The following PCNX4 variants were observed in gnomAD, a reference collection of about 807,000 sequenced individuals.
PCNX4 encodes pecanex 4.
In PCNX4, 103 loss-of-function variants were observed where a neutral mutation model predicts 107.2. That is an observed-to-expected ratio of 0.96 (90% CI 0.82 to 1.13). The LOEUF (loss-of-function observed/expected upper bound fraction) is 1.13, where lower values mean the gene tolerates loss of function less well. Among genes scored for constraint, PCNX4 ranks in the 50% most tolerant of loss-of-function variants. The pLI is 0.00. For missense variants in PCNX4, 1,528 were observed against 1,379.4 expected (o/e 1.11, Z -1.71); for synonymous variants, 541 against 481.7 (o/e 1.12, Z -1.61).
chr14:60,131,230 G>A (rs1346350956), intron 10 of PCNX4, among the ~76,000 whole-genome samples: 2 of 152,080 alleles, frequency 1.3e-5, no homozygotes, highest in Non-Finnish European at 2.9e-5. Context: ...AGAGTAATTA[G>A]GCAAGAAAAA....
chr14:60,125,930 TA>T, intron 10 of PCNX4, 107 bp downstream of exon 10: 1 of 730,452 alleles, frequency 1.4e-6, no homozygotes, highest in Non-Finnish European at 2.0e-6. Context: ...ATAGCTGTGA[TA>T]TATTAATTAT....
rs1896013676 is a variant in PCNX4, at chr14:60,124,555, T to C, written c.2384T>C (p.Leu795Ser). The C allele has an allele frequency of 6.2e-7, 1 of 1,613,670 alleles. No individual in the cohort carries two copies. ...TENKGKAPLMLPALNTLPPPK... is the reference protein window; with the variant it reads ...TENKGKAPLMSPALNTLPPPK... ...AATAAAGGGAAAGCACCTCTAATGT[T>C]GCCTGCTTTGAACACTTTGCCACCT... Residue 795 changes from leucine (L) to serine (S), a missense_variant, in exon 9 of 11, where the codon TTG becomes TCG. By Grantham distance (145) the Leu-to-Ser change is moderately radical. Coordinates refer to ENST00000406854, the MANE Select transcript of PCNX4 (RefSeq NM_001330177.2).
intron 1 of PCNX4, among the ~76,000 whole-genome samples, chr14:60,100,032 T>C (rs1895499478): frequency 6.6e-6 from 1 of 151,950 alleles, no homozygotes; most frequent in African/African-American, 2.4e-5. Flanking sequence ...GCTACTGCAC[T>C]CCAGCCTGGG....
chr14:60,132,192 T>C (rs1296376403), intron 10 of PCNX4, among the ~76,000 whole-genome samples: 1 of 152,224 alleles, frequency 6.6e-6, no homozygotes, highest in Non-Finnish European at 1.5e-5. Context: ...ATTCTTTGGC[T>C]ATGGCTGAGT....
chr14:60,132,117 G>A (rs547934973), intron 10 of PCNX4, among the ~76,000 whole-genome samples: 3 of 152,208 alleles, frequency 2.0e-5, no homozygotes, highest in East Asian at 1.9e-4. Flanking sequence ...GTAGAGCCAC[G>A]CTTCCTCTAA....
At chr14:60,133,582 T>C in intron 10 of PCNX4, 3 of 441,686 alleles carry the variant, frequency 6.8e-6, no homozygotes, top group South Asian at 1.7e-5. Context: ...ATGTGAATTA[T>C]ATGGAATGTG....
chr14:60,110,889 G>A (rs906640042), intron 2 of PCNX4: 21 of 167,168 alleles, frequency 1.3e-4, no homozygotes, highest in African/African-American at 4.8e-4. Flanking sequence ...TTATGTTGAA[G>A]CCCTAACCCC....
intron 1 of PCNX4, among the ~76,000 whole-genome samples, chr14:60,103,122 T>C (rs904056826): frequency 1.3e-5 from 2 of 152,246 alleles, no homozygotes; most frequent in Non-Finnish European, 2.9e-5. Context: ...GATAGTTTTT[T>C]CCTTGTGTAC....
intron 1 of PCNX4, among the ~76,000 whole-genome samples, chr14:60,095,274 G>A (rs2140525739): frequency 6.6e-6 from 1 of 152,240 alleles, no homozygotes; most frequent in East Asian, 1.9e-4. Context: ...ACATAAAAGG[G>A]GCAGAGGAAA....
chr14:60,107,244 A>G (rs185079683), intron 1 of PCNX4, among the ~76,000 whole-genome samples: 1 of 152,210 alleles, frequency 6.6e-6, no homozygotes, highest in African/African-American at 2.4e-5. Context: ...AGCCAGGCAT[A>G]GGGGCATGTG....
Position 60,118,606 on chromosome 14 carries a change from G to A in PCNX4, c.1856G>A (p.Cys619Tyr). ...CCAGGAGCAGCAGGCACCACAGCCTGTGTGTGTGCAGATACAGTGTACTAC... is the reference window on the plus strand; with the variant it reads ...CCAGGAGCAGCAGGCACCACAGCCTATGTGTGTGCAGATACAGTGTACTAC... ...SWPGAAGTTA[C>Y]VCADTVYYYQ... Residue 619 changes from cysteine (C) to tyrosine (Y), a missense_variant, in exon 7 of 11, where the codon TGT (cysteine) becomes TAT (tyrosine). By Grantham distance (194) the Cys-to-Tyr change is radical. Coordinates refer to ENST00000406854, the MANE Select transcript of PCNX4 (RefSeq NM_001330177.2). The A allele has an allele frequency of 6.2e-7, 1 of 1,613,782 alleles. No homozygotes were observed. Among genetic ancestry groups the A allele is most frequent in the Non-Finnish European group, 8.5e-7 (1 of 1,179,818 alleles).
In PCNX4 at chr14:60,115,371, C is replaced by T; in HGVS notation, c.1267C>T (p.Pro423Ser). ...TGGAATTTTCCGAAATCCCTTTTAT[C>T]CGAAGGATGTGCAAACTGTGACTGT... Reference protein sequence around the residue: ...IIGIFRNPFYPKDVQTVTVFF... With the variant: ...IIGIFRNPFYSKDVQTVTVFF... The change falls in exon 4 of 11, where the codon CCG becomes TCG. Residue 423 changes from proline to serine, a missense_variant. By Grantham distance (74) the Pro-to-Ser change is moderately conservative (BLOSUM62 -1). Coordinates refer to ENST00000406854, the MANE Select transcript of PCNX4 (RefSeq NM_001330177.2). The T allele has an allele frequency of 1.2e-6, 2 of 1,600,908 alleles. No individual in the cohort carries two copies. The highest frequency in any genetic ancestry group is 1.3e-5 in the African/African-American group (1 of 74,676).
In PCNX4 at chr14:60,108,273, C is replaced by G. The variant is rs1566931915; in HGVS notation, c.635C>G (p.Pro212Arg). 6.2e-7 allele frequency: 1 copy of G among 1,612,426 alleles called. No individual in the cohort carries two copies. Among genetic ancestry groups the G allele is most frequent in the East Asian group, 2.2e-5 (1 of 44,870 alleles). Residue 212 changes from proline to arginine, a missense_variant, in exon 2 of 11, where the codon CCT (proline) becomes CGT (arginine). Pro to Arg is a moderately radical substitution (Grantham distance 103, BLOSUM62 -2). Transcript: ENST00000406854. ...FQTQDTYEII[P>R]LMRPLYIFFF... Reference sequence around the variant, plus strand: ...ACACAGGATACTTATGAAATTATTCCTCTTATGAGACCTCTTTATATTTTT... The same window carrying G: ...ACACAGGATACTTATGAAATTATTCGTCTTATGAGACCTCTTTATATTTTT...
At chr14:60,128,714 CTT>C (rs1471474459) in intron 10 of PCNX4, among the ~76,000 whole-genome samples, 1 of 152,148 alleles carries the variant, frequency 6.6e-6, no homozygotes, top group Non-Finnish European at 1.5e-5. Context: ...TATTTCTTCT[CTT>C]AACTCATTTG....
intron 1 of PCNX4, among the ~76,000 whole-genome samples, chr14:60,097,241 A>G (rs1223532832): frequency 6.6e-6 from 1 of 152,190 alleles, no homozygotes; most frequent in Non-Finnish European, 1.5e-5. Context: ...CCCCATGTCT[A>G]GTGAGTCTAC....
Position 60,141,487 on chromosome 14 carries a change from A to C in PCNX4, c.*7266A>C, listed in dbSNP as rs1316426449. 6.6e-6 allele frequency: 1 copy of C among 152,242 alleles called. No homozygotes were observed. The highest frequency in any genetic ancestry group is 1.5e-5 in the Non-Finnish European group (1 of 68,046). 9.4% of individuals were successfully genotyped at this position (152,242 alleles called of 1,614,324 possible). ...GTCATTAAAAAGATAATGAGGAAAT[A>C]CTGTAACTTTCGGCTTATACACATG... On this transcript the variant is annotated 3_prime_UTR_variant, in exon 11 of 11. Transcript: ENST00000406854.
chr14:60,124,756 T>A lies in PCNX4; in HGVS notation c.2585T>A (p.Val862Asp), dbSNP rs770332424. ...CCAGGATCAGTAGAATCACAGAGGG[T>A]TGGTGATCATTCTACAGGCACTGTT... ...FIPGSVESQR[V>D]GDHSTGTVPE... The change falls in exon 9 of 11, where the codon GTT becomes GAT. Residue 862 changes from valine (V) to aspartate (D), a missense_variant. By Grantham distance (152) the Val-to-Asp change is radical. Coordinates refer to ENST00000406854, the MANE Select transcript of PCNX4 (RefSeq NM_001330177.2). The A allele has an allele frequency of 3.1e-6, 5 of 1,613,148 alleles. No homozygotes were observed. Among genetic ancestry groups the A allele is most frequent in the South Asian group, 1.1e-5 (1 of 91,076 alleles).
At chr14:60,100,450 C>A (rs758611424) in intron 1 of PCNX4, among the ~76,000 whole-genome samples, 3 of 152,180 alleles carry the variant, frequency 2.0e-5, no homozygotes, top group Non-Finnish European at 4.4e-5. Context: ...AGGCACCCAC[C>A]ACCATGCTTG....
In PCNX4 at chr14:60,108,215, G is replaced by A. The variant is rs772585179; in HGVS notation, c.577G>A (p.Val193Ile). The change falls in exon 2 of 11, where the codon GTA (valine) becomes ATA (isoleucine). Residue 193 changes from valine to isoleucine, a missense_variant. By Grantham distance (29) the Val-to-Ile change is conservative (BLOSUM62 3). Coordinates refer to ENST00000406854, the MANE Select transcript of PCNX4 (RefSeq NM_001330177.2). ...ATGTATAGCAGAATATTCTTTAATT[G>A]TAAACACAGCTACAGAGACTGCGAC... ...TLCIAEYSLI[V>I]NTATETATFQ... 2.5e-6 allele frequency: 4 copies of A among 1,612,712 alleles called. No homozygotes were observed. In the Admixed American group the frequency reaches 5.0e-5, roughly 20 times the overall value.
Sources: allele counts gnomAD v4.1 joint callset (sites outside exome capture counted in the v4.1 genomes callset), GRCh38; gene constraint gnomAD v4.1.1; transcripts MANE v1.5; gene names NCBI Gene and HGNC (gene_info 2026-07-23, HGNC 2026-07-21).